The following CHD6 variants were observed in gnomAD, a reference collection of about 807,000 sequenced individuals.
CHD6 encodes chromodomain helicase DNA binding protein 6.
A neutral mutation model predicts 276.9 loss-of-function variants in CHD6; 50 were observed. The observed-to-expected ratio is 0.18, with a 90% CI of 0.14 to 0.23. The LOEUF (loss-of-function observed/expected upper bound fraction) is 0.23. CHD6 is among the 10% of genes least tolerant of loss of function. The pLI is 1.00. For missense variants in CHD6, 2,564 were observed against 3,365.8 expected (o/e 0.76, Z 5.89); for synonymous variants, 1,173 against 1,229.3 (o/e 0.95, Z 0.96).
chr20:41,528,002 TG>T (rs1465518736), intron 3 of CHD6, among the ~76,000 whole-genome samples: 1 of 152,202 alleles, frequency 6.6e-6, no homozygotes, highest in Non-Finnish European at 1.5e-5. Flanking sequence ...GCCATACTGT[TG>T]GACTTCCCAG....
Position 41,425,288 on chromosome 20 carries a change from T to C in CHD6, c.4236A>G (p.Glu1412=). ...GTCCCAGAATTTCAGGCCGGCACAG[T>C]TCCTTGCGGTTGCAGCGCTGGTAAA... The part of the protein sequence containing the change: ...VTVYQRCNRK[E]LCRPEILGPG... Residue 1412 remains glutamate, a synonymous_variant, in exon 29 of 37, where the codon GAA becomes GAG. Coordinates refer to ENST00000373233, the MANE Select transcript of CHD6 (RefSeq NM_032221.5). 2 of 1,614,178 alleles carry C rather than the reference T, an allele frequency of 1.2e-6. No homozygotes were observed. The highest frequency in any genetic ancestry group is 1.1e-5 in the South Asian group (1 of 91,078).
chr20:41,452,733 T>C lies in CHD6; in HGVS notation c.3323+7A>G. ...TAACAACAAAACTAAGCAGAGCCAA[T>C]ACCCACCCAAAGATGAGCAGGTTCT... On this transcript the variant is annotated splice_region_variant and intron_variant, in intron 21 of 36. Coordinates refer to ENST00000373233, the MANE Select transcript of CHD6 (RefSeq NM_032221.5). The surrounding 1 kb of genome is among the most constrained non-coding windows in gnomAD (Gnocchi z 4.2). 1.2e-6 allele frequency: 2 copies of C among 1,611,312 alleles called. No individual in the cohort carries two copies. Among genetic ancestry groups the C allele is most frequent in the Admixed American group, 1.7e-5 (1 of 59,674 alleles).
chr20:41,431,445 G>A (rs148780539), intron 27 of CHD6, among the ~76,000 whole-genome samples: 18 of 152,092 alleles, frequency 1.2e-4, no homozygotes, highest in African/African-American at 3.9e-4. Flanking sequence ...GAGGACCCTC[G>A]CAGGGGAGTC....
At chr20:41,441,545 G>A (rs1416059403) in intron 25 of CHD6, among the ~76,000 whole-genome samples, 1 of 152,190 alleles carries the variant, frequency 6.6e-6, no homozygotes, top group African/African-American at 2.4e-5. Context: ...GAGGCCAACT[G>A]TCCAGGAGTA....
At chr20:41,424,054 T>A (rs2145487816) in intron 29 of CHD6, among the ~76,000 whole-genome samples, 1 of 148,388 alleles carries the variant, frequency 6.7e-6, no homozygotes, top group Admixed American at 6.7e-5. Context: ...AAATACTATA[T>A]ATGCTTAAAT....
At chr20:41,493,248 A>G (rs994841167) in intron 10 of CHD6, among the ~76,000 whole-genome samples, 1 of 152,218 alleles carries the variant, frequency 6.6e-6, no homozygotes, top group East Asian at 1.9e-4. Flanking sequence ...TTACTTACAA[A>G]TTTTATTTTA....
chr20:41,406,723 C>T (rs1458983884), intron 36 of CHD6, among the ~76,000 whole-genome samples: 1 of 152,230 alleles, frequency 6.6e-6, no homozygotes, highest in African/African-American at 2.4e-5. Flanking sequence ...GCAGTCCCTG[C>T]GCCCCTGGAG....
At chr20:41,590,664 C>T (rs1321759703) in intron 1 of CHD6, among the ~76,000 whole-genome samples, 1 of 152,152 alleles carries the variant, frequency 6.6e-6, no homozygotes, top group African/African-American at 2.4e-5. Context: ...AATGAGATAC[C>T]ATCTCACACC....
At chr20:41,566,713 C>G (rs978417038) in intron 1 of CHD6, among the ~76,000 whole-genome samples, 2 of 152,190 alleles carry the variant, frequency 1.3e-5, no homozygotes, top group Non-Finnish European at 2.9e-5. Flanking sequence ...CCCATAGACC[C>G]TGGATGTTCA....
chr20:41,540,444 C>T (rs908195040), intron 2 of CHD6, among the ~76,000 whole-genome samples: 21 of 152,138 alleles, frequency 1.4e-4, no homozygotes, highest in African/African-American at 4.8e-4. Flanking sequence ...CTTTCATATA[C>T]ATGTAATAGA....
In CHD6 at chr20:41,415,047, T is replaced by A. The variant is rs984796364; in HGVS notation, c.6939+139A>T. 7 of 1,462,572 alleles carry A rather than the reference T, an allele frequency of 4.8e-6. No homozygotes were observed. In the African/African-American group the frequency reaches 7.1e-5, roughly 15 times the overall value. The allele number at this position is 1,462,572 out of a possible 1,614,324, so 90.6% of individuals were successfully genotyped here. A position where few individuals can be genotyped will look rare whatever the true frequency, so the allele number is the denominator to read the frequency against. ...CTAGTTCTACAGAAGATGGAGGGCA[T>A]CTTATAATGAGAGAAAATAAAGCAG... On this transcript the variant is annotated intron_variant, in intron 34 of 36. Coordinates refer to ENST00000373233, the MANE Select transcript of CHD6 (RefSeq NM_032221.5).
Position 41,421,244 on chromosome 20 carries a change from C to T in CHD6, c.5391G>A (p.Gln1797=), listed in dbSNP as rs749772280. 3 of 1,613,954 alleles carry T rather than the reference C, an allele frequency of 1.9e-6. No individual in the cohort carries two copies. The highest frequency in any genetic ancestry group is 1.7e-6 in the Non-Finnish European group (2 of 1,180,038). Residue 1797 remains glutamine, a synonymous_variant, in exon 31 of 37, where the codon CAG becomes CAA. Transcript: ENST00000373233. ...CCAGCTGGCCAATGTTTTCAGGTCT[C>T]TGTCCTGCCTCACTGCAGCAGAGCT... The part of the protein sequence containing the change: ...EGELCCSEAG[Q]RPENIGQLEA...
intron 27 of CHD6, among the ~76,000 whole-genome samples, chr20:41,427,456 C>T (rs1353468311): frequency 1.3e-5 from 2 of 152,164 alleles, no homozygotes; most frequent in Non-Finnish European, 2.9e-5. Context: ...CATTACTATG[C>T]TCATTTTACA....
intron 5 of CHD6, among the ~76,000 whole-genome samples, chr20:41,501,699 G>A (rs2043833382): frequency 6.6e-6 from 1 of 152,118 alleles, no homozygotes; most frequent in Non-Finnish European, 1.5e-5. Flanking sequence ...GTAGGTAGAT[G>A]TCTAATTTTA....
chr20:41,402,559 T>C lies in CHD6; in HGVS notation c.*2034A>G, dbSNP rs1281665297. ...AGAAAACCAGACTCTGCTGGATGTC[T>C]ATAATACTCATTTGCAGTAAGGCTT... On this transcript the variant is annotated 3_prime_UTR_variant, in exon 37 of 37. Coordinates refer to ENST00000373233, the MANE Select transcript of CHD6 (RefSeq NM_032221.5). The C allele has an allele frequency of 4.4e-6, 1 of 229,692 alleles. No homozygotes were observed. 14.2% of individuals were successfully genotyped at this position (229,692 alleles called of 1,614,324 possible).
At chr20:41,505,452 T>C (rs1454760698) in intron 5 of CHD6, among the ~76,000 whole-genome samples, 1 of 152,040 alleles carries the variant, frequency 6.6e-6, no homozygotes, top group African/African-American at 2.4e-5. Flanking sequence ...TCCAGAACAG[T>C]CTCTTTTGTT....
At chr20:41,586,435 G>C (rs1002604745) in intron 1 of CHD6, among the ~76,000 whole-genome samples, 1 of 152,164 alleles carries the variant, frequency 6.6e-6, no homozygotes, top group African/African-American at 2.4e-5. Context: ...TAGTCTCTGG[G>C]TTCCACGGTT....
At chr20:41,488,934 C>A (rs2043484231) in intron 12 of CHD6, among the ~76,000 whole-genome samples, 2 of 152,294 alleles carry the variant, frequency 1.3e-5, no homozygotes, top group Middle Eastern at 3.4e-3. Context: ...AAGTCCCCAG[C>A]CAGGAGTCCA....
chr20:41,497,330 A>AT (rs2043712005), intron 8 of CHD6, 54 bp downstream of exon 8: 1 of 1,118,128 alleles, frequency 8.9e-7, no homozygotes, highest in South Asian at 1.2e-5. Context: ...TAAACACAGT[A>AT]TTTACTGCTG....
Sources: allele counts gnomAD v4.1 joint callset (sites outside exome capture counted in the v4.1 genomes callset), GRCh38; gene constraint gnomAD v4.1.1; non-coding constraint Gnocchi (gnomAD v3.1); transcripts MANE v1.5; gene names NCBI Gene and HGNC (gene_info 2026-07-23, HGNC 2026-07-21).